The following HDDC3 variants were observed in gnomAD, a reference collection of about 807,000 sequenced individuals.
HDDC3 encodes the protein HD domain containing 3, also known as guanosine-3',5'-bis(diphosphate) 3'-pyrophosphohydrolase MESH1.
In HDDC3, 18 loss-of-function variants were observed where a neutral mutation model predicts 19.1. The ratio of observed to expected loss-of-function variants is 0.94; its 90% confidence interval spans 0.65 to 1.40. The LOEUF (loss-of-function observed/expected upper bound fraction) is 1.40. Among genes scored for constraint, HDDC3 ranks in the 40% most tolerant of loss-of-function variants. The probability of loss-of-function intolerance (pLI) is 0.00; values close to 1 mark genes in which losing one functional copy is unlikely to be tolerated. For missense variants in HDDC3, 250 were observed against 228.9 expected (o/e 1.09, Z -0.59); for synonymous variants, 107 against 99.4 (o/e 1.08, Z -0.46).
At chr15:90,932,173 G>A in intron 1 of HDDC3, 63 bp from the exon 2 acceptor site, 2 of 1,509,270 alleles carry the variant, frequency 1.3e-6, no homozygotes, top group Non-Finnish European at 1.8e-6. Context: ...TGTGTTGTGG[G>A]TTTTGGAGAG....
chr15:90,932,491 C>T lies in HDDC3; in HGVS notation c.50G>A (p.Arg17His). 7.6e-7 allele frequency: 1 copy of T among 1,314,900 alleles called. No individual in the cohort carries two copies. The highest frequency in any genetic ancestry group is 2.3e-5 in the South Asian group (1 of 43,818). 81.5% of individuals were successfully genotyped at this position (1,314,900 alleles called of 1,614,324 possible). A position where few individuals can be genotyped will look rare whatever the true frequency, so the allele number is the denominator to read the frequency against. Reference sequence around the variant, plus strand: ...CTTCCGCCGCTGCTGCCGGTGCTTGCGAGCCGCGAAGTCGGCAGCCTCCAG... The same window carrying T: ...CTTCCGCCGCTGCTGCCGGTGCTTGTGAGCCGCGAAGTCGGCAGCCTCCAG... ...QLLEAADFAA[R>H]KHRQQRRKDP... Residue 17 changes from arginine to histidine, a missense_variant, in exon 1 of 4, where the codon CGC becomes CAC. By Grantham distance (29) the Arg-to-His change is conservative (BLOSUM62 0). Transcript: ENST00000394272.
chr15:90,932,256 C>G (rs1046752728), intron 1 of HDDC3, 146 bp from the exon 2 acceptor site: 17 of 925,428 alleles, frequency 1.8e-5, no homozygotes, highest in Admixed American at 3.0e-5. Context: ...TGGGAGCCAA[C>G]CGACAAAGGG....
At position 90,931,402 on chromosome 15, in the gene HDDC3, C is replaced by G. The variant is rs1351146262; in HGVS notation, c.413G>C (p.Trp138Ser). 6.3e-7 allele frequency: 1 copy of G among 1,583,114 alleles called. No homozygotes were observed. The highest frequency in any genetic ancestry group is 8.6e-7 in the Non-Finnish European group (1 of 1,163,868). Residue 138 changes from tryptophan (W) to serine (S), a missense_variant, in exon 4 of 4, where the codon TGG (tryptophan) becomes TCG (serine). Coordinates refer to ENST00000394272, the MANE Select transcript of HDDC3 (RefSeq NM_001286451.2). ...RDLNRCTPEG[W>S]SEHRVQEYFE... ...GTATTCCTGGACTCGATGTTCTGAC[C>G]ATCCTGCATAAGAGTCGACAGAAAC...
At position 90,931,874 on chromosome 15, in the gene HDDC3, G is replaced by A; in HGVS notation, c.239C>T (p.Ala80Val). The A allele has an allele frequency of 2.5e-6, 4 of 1,614,066 alleles. No individual in the cohort carries two copies. The highest frequency in any genetic ancestry group is 3.4e-6 in the Non-Finnish European group (4 of 1,180,030). Residue 80 changes from alanine (A) to valine (V), a missense_variant, in exon 3 of 4, where the codon GCA (alanine) becomes GTA (valine). Physicochemically the swap from Ala to Val is moderately conservative, Grantham distance 64 (BLOSUM62 0). Transcript: ENST00000394272. The stretch of plus-strand genomic sequence containing the variant: ...CTCCTCCACCAGGCGCCGCACTTGT[G>A]CCCCAAAGTGTAGCTCCACCTCATC... ...TLDEVELHFGAQVRRLVEEVT... is the reference protein window; with the variant it reads ...TLDEVELHFGVQVRRLVEEVT...
At position 90,931,802 on chromosome 15, in the gene HDDC3, T is replaced by G. The variant is rs769180797; in HGVS notation, c.311A>C (p.Gln104Pro). The change falls in exon 3 of 4, where the codon CAG (glutamine) becomes CCG (proline). Residue 104 changes from glutamine (Q) to proline (P), a missense_variant. Physicochemically the swap from Gln to Pro is moderately conservative, Grantham distance 76. Coordinates refer to ENST00000394272, the MANE Select transcript of HDDC3 (RefSeq NM_001286451.2). ...GCTACTGTGGGGCGCTTGCTCCACC[T>G]GCAGCCTCTTTCTCTCCAGCTTGGG... ...TLPKLERKRL[Q>P]VEQAPHSSPG... The G allele has an allele frequency of 3.1e-6, 5 of 1,614,176 alleles. No individual in the cohort carries two copies. In the South Asian group the frequency reaches 5.5e-5, roughly 18 times the overall value.
chr15:90,931,351 T>G lies in HDDC3; in HGVS notation c.464A>C (p.Lys155Thr), dbSNP rs1354340201. Residue 155 changes from lysine to threonine, a missense_variant, in exon 4 of 4, where the codon AAG becomes ACG. By Grantham distance (78) the Lys-to-Thr change is moderately conservative. Transcript: ENST00000394272. ...TTGCCGGTTTGTTCCCTGAAGCCCC[T>G]TCACCACCTGCGCTGCCCACTCGAA... ...EYFEWAAQVVKGLQGTNRQLE... is the reference protein window; with the variant it reads ...EYFEWAAQVVTGLQGTNRQLE... The G allele has an allele frequency of 1.9e-6, 3 of 1,553,082 alleles. No homozygotes were observed. The highest frequency in any genetic ancestry group is 2.6e-6 in the Non-Finnish European group (3 of 1,147,658).
chr15:90,931,479 G>A, intron 3 of HDDC3, 74 bp from the exon 4 acceptor site: 1 of 1,614,160 alleles, frequency 6.2e-7, no homozygotes, highest in African/African-American at 1.3e-5. Flanking sequence ...TTCCTGGCAA[G>A]CTTGGTTCAA....
At position 90,930,740 on chromosome 15, in the gene HDDC3, A is replaced by T. The variant is rs1170437309; in HGVS notation, c.*535T>A. 3 of 158,018 alleles carry T rather than the reference A, an allele frequency of 1.9e-5. No individual in the cohort carries two copies. The highest frequency in any genetic ancestry group is 7.2e-5 in the African/African-American group (3 of 41,470). 9.8% of individuals were successfully genotyped at this position (158,018 alleles called of 1,614,324 possible). ...ACCTATGTGTCAGGCTCCATCAGGC[A>T]CGTCACAGTCTAACCTGATAATTAC... On this transcript the variant is annotated 3_prime_UTR_variant, in exon 4 of 4. Coordinates refer to ENST00000394272, the MANE Select transcript of HDDC3 (RefSeq NM_001286451.2).
Position 90,931,305 on chromosome 15 carries a change from A to G in HDDC3, c.510T>C (p.His170=), listed in dbSNP as rs1213310690. Residue 170 remains histidine, a synonymous_variant, in exon 4 of 4, where the codon CAT becomes CAC. Coordinates refer to ENST00000394272, the MANE Select transcript of HDDC3 (RefSeq NM_001286451.2). ...TTGTCAGCCCCCGCTGCTTGAACAG[A>G]TGCTTTAGAGCCTCTTCCAGTTGCC... is the stretch of plus-strand genomic sequence containing the variant. ...TNRQLEEALK[H]LFKQRGLTI The G allele has an allele frequency of 1.9e-6, 3 of 1,550,900 alleles. No homozygotes were observed. The highest frequency in any genetic ancestry group is 2.6e-6 in the Non-Finnish European group (3 of 1,147,044).
At chr15:90,932,238 T>C (rs2035826142) in intron 1 of HDDC3, 128 bp from the exon 2 acceptor site, 1 of 1,083,536 alleles carries the variant, frequency 9.2e-7, no homozygotes, top group Non-Finnish European at 1.3e-6. Flanking sequence ...GTCAAGTACC[T>C]TACCCTCTGG....
Position 90,932,536 on chromosome 15 carries a change from C to A in HDDC3, c.5G>T (p.Gly2Val). 5 of 1,264,764 alleles carry A rather than the reference C, an allele frequency of 4.0e-6. No homozygotes were observed. Among genetic ancestry groups the A allele is most frequent in the Non-Finnish European group, 5.0e-6 (5 of 1,004,754 alleles). 78.3% of individuals were successfully genotyped at this position (1,264,764 alleles called of 1,614,324 possible). M[G>V]SEAAQLLEAA... ...CTCCAGCAGCTGCGCCGCCTCAGAGCCCATCGCGCGGATGGGGCCGACGAC... is the reference window on the plus strand; with the variant it reads ...CTCCAGCAGCTGCGCCGCCTCAGAGACCATCGCGCGGATGGGGCCGACGAC... Residue 2 changes from glycine to valine, a missense_variant, in exon 1 of 4, where the codon GGC becomes GTC. By Grantham distance (109) the Gly-to-Val change is moderately radical. Transcript: ENST00000394272.
In HDDC3 at chr15:90,930,014, C is replaced by G. The variant is rs1039520233; in HGVS notation, c.*1261G>C. On this transcript the variant is annotated 3_prime_UTR_variant, in exon 4 of 4. Coordinates refer to ENST00000394272, the MANE Select transcript of HDDC3 (RefSeq NM_001286451.2). ...GGATGACTGGATGCAGAATAAAATACATAAAAATAAACCTCAGCTGCTCAG... is the reference window on the plus strand; with the variant it reads ...GGATGACTGGATGCAGAATAAAATAGATAAAAATAAACCTCAGCTGCTCAG... The G allele has an allele frequency of 4.6e-5, 7 of 152,204 alleles. No individual in the cohort carries two copies. Among genetic ancestry groups the G allele is most frequent in the African/African-American group, 1.7e-4 (7 of 41,444 alleles). The allele number at this position is 152,204 out of a possible 1,614,324, so 9.4% of individuals were successfully genotyped here. A position where few individuals can be genotyped will look rare whatever the true frequency, so the allele number is the denominator to read the frequency against.
Position 90,932,481 on chromosome 15 carries a change from C to A in HDDC3, c.60G>T (p.Arg20=). The A allele has an allele frequency of 7.6e-7, 1 of 1,314,438 alleles. No individual in the cohort carries two copies. The highest frequency in any genetic ancestry group is 2.3e-5 in the South Asian group (1 of 43,608). The allele number at this position is 1,314,438 out of a possible 1,614,324, so 81.4% of individuals were successfully genotyped here. ...EAADFAARKH[R]QQRRKDPEGT... is the part of the protein sequence containing the mutation. ...CCTCGGGGTCCTTCCGCCGCTGCTGCCGGTGCTTGCGAGCCGCGAAGTCGG... is the reference window on the plus strand; with the variant it reads ...CCTCGGGGTCCTTCCGCCGCTGCTGACGGTGCTTGCGAGCCGCGAAGTCGG... The change falls in exon 1 of 4, where the codon CGG becomes CGT. Residue 20 remains arginine, a synonymous_variant. Coordinates refer to ENST00000394272, the MANE Select transcript of HDDC3 (RefSeq NM_001286451.2).
In HDDC3 at chr15:90,931,249, T is replaced by G. The variant is rs78194647; in HGVS notation, c.*26A>C. 1.7e-3 allele frequency: 2,640 copies of G among 1,550,530 alleles called. 32 individuals are homozygous for G. Among genetic ancestry groups the G allele is most frequent in the African/African-American group, 0.013 (966 of 73,160 alleles). Reference sequence around the variant, plus strand: ...TCCGGCCTGAACGAGGCTGGAGTTGTGCCTCTGGATAGCTTCAAGCACTGA... The same window carrying G: ...TCCGGCCTGAACGAGGCTGGAGTTGGGCCTCTGGATAGCTTCAAGCACTGA... On this transcript the variant is annotated 3_prime_UTR_variant, in exon 4 of 4. Transcript: ENST00000394272.
rs1596198275 is a variant in HDDC3, at chr15:90,930,609, T to A, written c.*666A>T. ...GTCTTGAACTCCTGACCTCAAGTGA[T>A]CCGCCCGCCTCGGTCTCCCAGAGTG... On this transcript the variant is annotated 3_prime_UTR_variant, in exon 4 of 4. Coordinates refer to ENST00000394272, the MANE Select transcript of HDDC3 (RefSeq NM_001286451.2). 6.6e-6 allele frequency: 1 copy of A among 152,588 alleles called. No homozygotes were observed. Among genetic ancestry groups the A allele is most frequent in the African/African-American group, 2.4e-5 (1 of 41,432 alleles). The allele number at this position is 152,588 out of a possible 1,614,324, so 9.5% of individuals were successfully genotyped here. A position where few individuals can be genotyped will look rare whatever the true frequency, so the allele number is the denominator to read the frequency against.
rs1374683597 is a variant in HDDC3, at chr15:90,931,836, T to G, written c.277A>C (p.Lys93Gln). Residue 93 changes from lysine (K) to glutamine (Q), a missense_variant, in exon 3 of 4, where the codon AAG becomes CAG. Physicochemically the swap from Lys to Gln is moderately conservative, Grantham distance 53 (BLOSUM62 1). Coordinates refer to ENST00000394272, the MANE Select transcript of HDDC3 (RefSeq NM_001286451.2). ...RRLVEEVTDD[K>Q]TLPKLERKRL... Reference sequence around the variant, plus strand: ...TTTCTCTCCAGCTTGGGCAGAGTCTTGTCATCTGTTACCTCCTCCACCAGG... The same window carrying G: ...TTTCTCTCCAGCTTGGGCAGAGTCTGGTCATCTGTTACCTCCTCCACCAGG... 1 of 1,614,034 alleles carries G rather than the reference T, an allele frequency of 6.2e-7. No homozygotes were observed. The highest frequency in any genetic ancestry group is 1.3e-5 in the African/African-American group (1 of 74,906).
chr15:90,931,950 G>T lies in HDDC3; in HGVS notation c.169-6C>A, dbSNP rs200680048. 5 of 1,613,658 alleles carry T rather than the reference G, an allele frequency of 3.1e-6. No individual in the cohort carries two copies. The East Asian group carries it at 1.1e-4, about 36-fold the overall frequency. On this transcript the variant is annotated splice_polypyrimidine_tract_variant and splice_region_variant and intron_variant, in intron 2 of 3. Coordinates refer to ENST00000394272, the MANE Select transcript of HDDC3 (RefSeq NM_001286451.2). ...GTGTCATGGAGCAGGGCCGCCTGGGGACAAGTTCCCACTCAGCCCTGAGAT... is the reference window on the plus strand; with the variant it reads ...GTGTCATGGAGCAGGGCCGCCTGGGTACAAGTTCCCACTCAGCCCTGAGAT...
chr15:90,932,084 C>T lies in HDDC3; in HGVS notation c.139G>A (p.Ala47Thr). The change falls in exon 2 of 4, where the codon GCG becomes ACG. Residue 47 changes from alanine (A) to threonine (T), a missense_variant. Ala to Thr is a moderately conservative substitution (Grantham distance 58). Transcript: ENST00000394272. ...AACACCACAATGTCAGTGATTCCCG[C>T]CTCGTGGGTCAGGATCCGTGCCACA... ...IGVARILTHE[A>T]GITDIVVLQA... The T allele has an allele frequency of 6.2e-7, 1 of 1,607,880 alleles. No individual in the cohort carries two copies. Among genetic ancestry groups the T allele is most frequent in the Non-Finnish European group, 8.5e-7 (1 of 1,176,532 alleles).
chr15:90,931,130 A>G lies in HDDC3; in HGVS notation c.*145T>C. 1 of 985,158 alleles carries G rather than the reference A, an allele frequency of 1.0e-6. No individual in the cohort carries two copies. The highest frequency in any genetic ancestry group is 1.5e-6 in the Non-Finnish European group (1 of 674,382). The allele number at this position is 985,158 out of a possible 1,614,324, so 61.0% of individuals were successfully genotyped here. ...AGCTTAGTTAGCAGGAGACCTTCAGACTGAGAAAAAATGCAAGTCTTTTTT... is the reference window on the plus strand; with the variant it reads ...AGCTTAGTTAGCAGGAGACCTTCAGGCTGAGAAAAAATGCAAGTCTTTTTT... On this transcript the variant is annotated 3_prime_UTR_variant, in exon 4 of 4. Transcript: ENST00000394272.
Sources: gnomAD v4.1 joint callset for allele counts on GRCh38, gnomAD v4.1.1 for gene constraint, MANE v1.5 for transcripts, NCBI Gene and HGNC (gene_info 2026-07-23, HGNC 2026-07-21) for gene names.